The following PDGFRB variants were observed in gnomAD, a reference collection of about 807,000 sequenced individuals.
PDGFRB encodes the protein platelet-derived growth factor receptor beta.
In PDGFRB, 42 loss-of-function variants were observed where a neutral mutation model predicts 120.2. The observed-to-expected ratio is 0.35, with a 90% CI of 0.27 to 0.45. The LOEUF is 0.45. Ranked by LOEUF, PDGFRB falls within the 20% of genes least tolerant of loss-of-function variation. The pLI is 1.00. For missense variants in PDGFRB, 1,149 were observed against 1,476.3 expected (o/e 0.78, Z 3.63); for synonymous variants, 586 against 606.8 (o/e 0.97, Z 0.50).
In PDGFRB at chr5:150,115,723, G is replaced by T. The variant is rs778267993; in HGVS notation, c.*40C>A. The T allele has an allele frequency of 1.3e-6, 2 of 1,510,478 alleles. No homozygotes were observed. The highest frequency in any genetic ancestry group is 2.3e-5 in the East Asian group (1 of 42,868). 93.6% of individuals were successfully genotyped at this position (1,510,478 alleles called of 1,614,324 possible). On this transcript the variant is annotated 3_prime_UTR_variant, in exon 23 of 23. Coordinates refer to ENST00000261799, the MANE Select transcript of PDGFRB (RefSeq NM_002609.4). ...GGCCAGGAGATGCTGGGTGCTGGCAGGGGGGGAGCTTCAGGCAGGGCAGGG... is the reference window on the plus strand; with the variant it reads ...GGCCAGGAGATGCTGGGTGCTGGCATGGGGGGAGCTTCAGGCAGGGCAGGG...
At chr5:150,130,272 A>G (rs1203688597) in intron 9 of PDGFRB, among the ~76,000 whole-genome samples, 1 of 152,154 alleles carries the variant, frequency 6.6e-6, no homozygotes, top group Non-Finnish European at 1.5e-5. Context: ...CCTGGCCAGG[A>G]GTGCAGAACT....
At chr5:150,150,177 T>C (rs974417961) in intron 1 of PDGFRB, among the ~76,000 whole-genome samples, 4 of 152,014 alleles carry the variant, frequency 2.6e-5, no homozygotes, top group African/African-American at 7.2e-5. Context: ...TGGAGCTGGG[T>C]CTCTCCAGGC....
At position 150,125,475 on chromosome 5, in the gene PDGFRB, A is replaced by G. The variant is rs770027941; in HGVS notation, c.1777T>C (p.Trp593Arg). 6.8e-6 allele frequency: 11 copies of G among 1,613,112 alleles called. No individual in the cohort carries two copies. Among genetic ancestry groups the G allele is most frequent in the Non-Finnish European group, 9.3e-6 (11 of 1,179,252 alleles). The stretch of plus-strand genomic sequence containing the variant: ...ACAAGCTGGTCCCGCGGCAGCTCCC[A>G]CGTGGAGTCATAGGGCAGCTGCATG... ...DPMQLPYDST[W>R]ELPRDQLVLG... Residue 593 changes from tryptophan (W) to arginine (R), a missense_variant, in exon 12 of 23, where the codon TGG becomes CGG. Trp to Arg is a moderately radical substitution (Grantham distance 101). Transcript: ENST00000261799.
chr5:150,153,818 G>A (rs759307182), intron 1 of PDGFRB: 3 of 152,248 alleles, frequency 2.0e-5, no homozygotes, highest in African/African-American at 7.2e-5. Flanking sequence ...GTAGCCACAC[G>A]ATGTCCTGGA....
intron 12 of PDGFRB, 50 bp from the exon 13 acceptor site, chr5:150,124,881 G>A (rs769938079): frequency 1.5e-5 from 13 of 854,088 alleles, no homozygotes; most frequent in South Asian, 6.5e-5. Flanking sequence ...AAGCTGCACC[G>A]CTCCCCCAGC....
intron 5 of PDGFRB, 49 bp downstream of exon 5, chr5:150,133,832 T>C: frequency 2.5e-6 from 4 of 1,612,362 alleles, no homozygotes; most frequent in Middle Eastern, 1.7e-4. Context: ...AAGCCAGATA[T>C]CCACCCGTTC....
chr5:150,155,298 T>TTTTTC (rs1491581432), intron 1 of PDGFRB, 99 bp downstream of exon 1: 1 of 47,478 alleles, frequency 2.1e-5, no homozygotes, highest in African/African-American at 1.5e-4. Flanking sequence ...ATATCTTCCC[T>TTTTTC]TTTTTTTTTT....
At chr5:150,150,203 A>G (rs1475666188) in intron 1 of PDGFRB, among the ~76,000 whole-genome samples, 1 of 152,164 alleles carries the variant, frequency 6.6e-6, no homozygotes, top group Non-Finnish European at 1.5e-5. Context: ...GAGAGATGGT[A>G]AAGACCCAGC....
intron 1 of PDGFRB, 59 bp from the exon 2 acceptor site, chr5:150,137,112 C>G (rs1168142222): frequency 1.4e-6 from 2 of 1,419,486 alleles, no homozygotes; most frequent in African/African-American, 1.4e-5. Flanking sequence ...CAGGGGCTAT[C>G]TCACCACCTG....
At chr5:150,134,214 C>A in intron 4 of PDGFRB, 1 of 594,810 alleles carries the variant, frequency 1.7e-6, no homozygotes, top group South Asian at 2.0e-5. Context: ...TGGACAAAAT[C>A]TCTGTTCTTA....
chr5:150,118,605 T>A (rs2113885669), intron 21 of PDGFRB, 142 bp downstream of exon 21: 2 of 667,598 alleles, frequency 3.0e-6, no homozygotes, highest in East Asian at 5.6e-5. Context: ...CATCCCCTCC[T>A]AGAACCAGCA....
At chr5:150,146,116 C>T (rs1760914467) in intron 1 of PDGFRB, among the ~76,000 whole-genome samples, 1 of 152,182 alleles carries the variant, frequency 6.6e-6, no homozygotes, top group Non-Finnish European at 1.5e-5. Flanking sequence ...CTCTCACCAC[C>T]TCACCTGTGG....
At chr5:150,124,981 A>G in intron 12 of PDGFRB, 150 bp from the exon 13 acceptor site, 1 of 577,570 alleles carries the variant, frequency 1.7e-6, no homozygotes, top group Non-Finnish European at 3.1e-6. Flanking sequence ...GTCAACCTAG[A>G]CATTACTTAA....
At position 150,115,652 on chromosome 5, in the gene PDGFRB, A is replaced by G; in HGVS notation, c.*111T>C. 1 of 987,418 alleles carries G rather than the reference A, an allele frequency of 1.0e-6. No individual in the cohort carries two copies. Among genetic ancestry groups the G allele is most frequent in the South Asian group, 1.9e-5 (1 of 52,662 alleles). 61.2% of individuals were successfully genotyped at this position (987,418 alleles called of 1,614,324 possible). A position where few individuals can be genotyped will look rare whatever the true frequency, so the allele number is the denominator to read the frequency against. ...AGGAGCAGAAAGCTTCCAGAAGGGG[A>G]CAGCTGATAAGGGCAGCCTGGCTGA... On this transcript the variant is annotated 3_prime_UTR_variant, in exon 23 of 23. Transcript: ENST00000261799.
intron 1 of PDGFRB, among the ~76,000 whole-genome samples, chr5:150,138,987 C>T (rs553149993): frequency 7.7e-4 from 117 of 152,368 alleles, no homozygotes; most frequent in Non-Finnish European, 1.5e-3. Context: ...GCTGGCCTGG[C>T]TCTGGAAGGC....
chr5:150,152,987 C>G (rs1294797486), intron 1 of PDGFRB, among the ~76,000 whole-genome samples: 1 of 152,208 alleles, frequency 6.6e-6, no homozygotes, highest in African/African-American at 2.4e-5. Context: ...GAAACTGACT[C>G]GGGGTCAATG....
At chr5:150,150,575 T>C (rs1026172033) in intron 1 of PDGFRB, among the ~76,000 whole-genome samples, 4 of 115,142 alleles carry the variant, frequency 3.5e-5, no homozygotes, top group African/African-American at 1.3e-4. Context: ...TGCACCAGGC[T>C]GGGGGTGGGC....
chr5:150,140,927 C>T (rs1263408648), intron 1 of PDGFRB, among the ~76,000 whole-genome samples: 1 of 152,194 alleles, frequency 6.6e-6, no homozygotes, highest in African/African-American at 2.4e-5. Context: ...TGGCCACATC[C>T]GCCAGCAACA....
chr5:150,125,382 TCA>T (rs966197094), intron 12 of PDGFRB, 61 bp downstream of exon 12: 218 of 1,486,044 alleles, frequency 1.5e-4, no homozygotes, highest in Middle Eastern at 7.4e-4. Flanking sequence ...GGACCAGACC[TCA>T]GAGAGTCTTC....
Sources: gnomAD v4.1 joint callset for allele counts (sites outside exome capture counted in the v4.1 genomes callset) on GRCh38, gnomAD v4.1.1 for gene constraint, MANE v1.5 for transcripts, NCBI Gene and HGNC (gene_info 2026-07-23, HGNC 2026-07-21) for gene names.